The following MGAT5 variants were observed in gnomAD, a reference collection of about 807,000 sequenced individuals.
MGAT5 encodes alpha-1,6-mannosylglycoprotein 6-beta-N-acetylglucosaminyltransferase.
MGAT5 carries 30 observed loss-of-function variants against 94.3 expected under a neutral mutation model. The ratio of observed to expected loss-of-function variants is 0.32; its 90% CI spans 0.24 to 0.43. MGAT5 has a LOEUF of 0.43. Among genes scored for constraint, MGAT5 ranks in the 20% least tolerant of loss-of-function variants. MGAT5 has a pLI of 1.00. For synonymous variants in MGAT5, 310 were observed against 322.9 expected (o/e 0.96, Z 0.43); for missense variants, 691 against 905.5 (o/e 0.76, Z 3.04).
chr2:134,194,951 C>G (rs1173417071), intron 1 of MGAT5, among the ~76,000 whole-genome samples: 1 of 152,194 alleles, frequency 6.6e-6, no homozygotes, highest in Non-Finnish European at 1.5e-5. Context: ...TTACTAATAT[C>G]TAGTCTTTTC....
chr2:134,407,890 G>C (rs1683431880), intron 11 of MGAT5, among the ~76,000 whole-genome samples: 1 of 152,196 alleles, frequency 6.6e-6, no homozygotes, highest in Non-Finnish European at 1.5e-5. Context: ...TCAGAGGACA[G>C]GAGCCACTGT....
At chr2:134,295,559 G>GGAAAT (rs1420951405) in intron 2 of MGAT5, among the ~76,000 whole-genome samples, 1 of 152,170 alleles carries the variant, frequency 6.6e-6, no homozygotes, top group Non-Finnish European at 1.5e-5. Flanking sequence ...GTCACTTTAA[G>GGAAAT]GGTATTCATT....
At chr2:134,326,909 G>A (rs1283516676) in intron 4 of MGAT5, among the ~76,000 whole-genome samples, 1 of 152,048 alleles carries the variant, frequency 6.6e-6, no homozygotes, top group Non-Finnish European at 1.5e-5. Context: ...TGTTTAGCAG[G>A]CAGTGGGAAG....
intron 1 of MGAT5, among the ~76,000 whole-genome samples, chr2:134,213,034 G>A (rs993265191): frequency 7.9e-5 from 12 of 152,170 alleles, no homozygotes; most frequent in African/African-American, 2.9e-4. Flanking sequence ...TTGCTGTTTG[G>A]AAGAGTCAGG....
chr2:134,349,328 A>C lies in MGAT5; in HGVS notation c.1113-477A>C, dbSNP rs540990020. On this transcript the variant is annotated intron_variant, in intron 8 of 15. Transcript: ENST00000281923. ...AGATTCTAAGCTTAATGTAAAGTCA[A>C]ATACTCCAATTGATGAAAATGTTGA... Among the ~76,000 whole-genome samples the C allele has an allele frequency of 3.3e-5, 5 of 152,306 alleles. No individual in the cohort carries two copies. The South Asian group carries it at 1.0e-3, about 32-fold the overall frequency.
intron 1 of MGAT5, among the ~76,000 whole-genome samples, chr2:134,195,346 A>G (rs1268471151): frequency 1.3e-5 from 2 of 152,232 alleles, no homozygotes; most frequent in Non-Finnish European, 2.9e-5. Flanking sequence ...CTGTTTCTAG[A>G]CAAGGATTTA....
At chr2:134,377,295 G>A (rs1046244857) in intron 10 of MGAT5, among the ~76,000 whole-genome samples, 6 of 152,168 alleles carry the variant, frequency 3.9e-5, no homozygotes, top group African/African-American at 9.7e-5. Flanking sequence ...CCACCATAGC[G>A]TCACAAGGCC....
intron 10 of MGAT5, among the ~76,000 whole-genome samples, chr2:134,383,485 G>C (rs1681757283): frequency 6.6e-6 from 1 of 152,152 alleles, no homozygotes; most frequent in African/African-American, 2.4e-5. Context: ...TACTAATCTA[G>C]CTATTGAACT....
At chr2:134,300,383 T>C (rs1305790033) in intron 2 of MGAT5, among the ~76,000 whole-genome samples, 1 of 152,174 alleles carries the variant, frequency 6.6e-6, no homozygotes, top group Admixed American at 6.5e-5. Flanking sequence ...TGCCTTCTGC[T>C]GAATGTCTTG....
intron 1 of MGAT5, among the ~76,000 whole-genome samples, chr2:134,219,181 A>T (rs1680636381): frequency 6.6e-6 from 1 of 152,260 alleles, no homozygotes; most frequent in Non-Finnish European, 1.5e-5. Flanking sequence ...ATCAAGGAGG[A>T]GCTCAGTCAC....
At chr2:134,305,538 T>A (rs75674908) in intron 2 of MGAT5, among the ~76,000 whole-genome samples, 4,625 of 152,250 alleles carry the variant, frequency 0.03, 253 homozygotes, top group African/African-American at 0.11. Flanking sequence ...AATACAAATA[T>A]ACACACATAA....
intron 1 of MGAT5, among the ~76,000 whole-genome samples, chr2:134,184,639 T>C (rs1664503016): frequency 6.6e-6 from 1 of 152,100 alleles, no homozygotes; most frequent in African/African-American, 2.4e-5. Context: ...TCCACAATGG[T>C]GCTTGGCACG....
At chr2:134,330,584 T>TGTGTG (rs1553447778) in intron 4 of MGAT5, among the ~76,000 whole-genome samples, 2 of 151,576 alleles carry the variant, frequency 1.3e-5, no homozygotes, top group Non-Finnish European at 2.9e-5. Context: ...TGTGTGTGTG[T>TGTGTG]TACGAAGCCC....
intron 1 of MGAT5, among the ~76,000 whole-genome samples, chr2:134,257,304 C>A (rs1683029016): frequency 6.6e-6 from 1 of 152,134 alleles, no homozygotes; most frequent in South Asian, 2.1e-4. Flanking sequence ...GTGATCTTGG[C>A]TCACTGCAAC....
intron 1 of MGAT5, among the ~76,000 whole-genome samples, chr2:134,144,590 T>C (rs1686820283): frequency 6.6e-6 from 1 of 152,200 alleles, no homozygotes; most frequent in African/African-American, 2.4e-5. Flanking sequence ...CATTTGGTGC[T>C]CAGTATAATC....
intron 1 of MGAT5, among the ~76,000 whole-genome samples, chr2:134,131,230 G>C (rs1686147418): frequency 1.3e-5 from 2 of 152,176 alleles, no homozygotes; most frequent in Admixed American, 1.3e-4. Context: ...CGGTCACGCT[G>C]CCTTTAAGAA....
chr2:134,247,378 A>C (rs982049522), intron 1 of MGAT5, among the ~76,000 whole-genome samples: 29 of 151,168 alleles, frequency 1.9e-4, no homozygotes, highest in African/African-American at 6.8e-4. Flanking sequence ...AAAAAAACAA[A>C]AAAAAAACGT....
At chr2:134,307,713 T>C (rs1166519490) in intron 2 of MGAT5, among the ~76,000 whole-genome samples, 1 of 152,166 alleles carries the variant, frequency 6.6e-6, no homozygotes, top group Non-Finnish European at 1.5e-5. Flanking sequence ...ATTGATTGGT[T>C]ATGCCTACCC....
chr2:134,173,106 T>C (rs1042179858), intron 1 of MGAT5, among the ~76,000 whole-genome samples: 3 of 152,166 alleles, frequency 2.0e-5, no homozygotes, highest in African/African-American at 7.2e-5. Flanking sequence ...ACAGAAAATA[T>C]GTCCTTTGGA....
Sources: allele counts gnomAD v4.1 joint callset (sites outside exome capture counted in the v4.1 genomes callset), GRCh38; gene constraint gnomAD v4.1.1; transcripts MANE v1.5; gene names NCBI Gene and HGNC (gene_info 2026-07-23, HGNC 2026-07-21).